Variants in TENM1 observed in about 807,000 individuals in gnomAD.
TENM1 encodes teneurin transmembrane protein 1, also known as teneurin-1.
In TENM1, 35 loss-of-function variants were observed where a neutral mutation model predicts 174.8. The observed-to-expected ratio is 0.20, with a 90% CI of 0.15 to 0.27. TENM1 has a LOEUF of 0.27. Among genes scored for constraint, TENM1 ranks in the 10% least tolerant of loss-of-function variants. TENM1 has a pLI of 1.00. For synonymous variants in TENM1, 781 were observed against 798.7 expected, an observed-to-expected ratio of 0.98 and a Z score of 0.37; for missense variants, 1,633 against 2,130.1, an observed-to-expected ratio of 0.77 and a Z score of 4.59.
At chrX:124,437,936 A>G (rs1339906526) in intron 23 of TENM1, among the ~76,000 whole-genome samples, 1 of 112,413 alleles carries the variant, frequency 8.9e-6, no homozygotes, top group Non-Finnish European at 1.9e-5. Flanking sequence ...CTGACAGCCA[A>G]ATAACTTTCT....
intron 8 of TENM1, among the ~76,000 whole-genome samples, chrX:124,651,091 C>T (rs1015035381): frequency 8.9e-6 from 1 of 111,792 alleles, no homozygotes; most frequent in African/African-American, 3.3e-5. Flanking sequence ...AAATTGACAG[C>T]TGTAAAATAT....
intron 6 of TENM1, among the ~76,000 whole-genome samples, chrX:124,663,266 C>T (rs1034656891): frequency 1.1e-4 from 12 of 111,393 alleles, no homozygotes; most frequent in African/African-American, 2.6e-4. Context: ...CAGAAGTAAA[C>T]GCAAGGACTC....
chrX:125,130,042 G>T, the TENM1 span, among the ~76,000 whole-genome samples: 3 of 111,392 alleles, frequency 2.7e-5, no homozygotes, highest in Non-Finnish European at 3.8e-5. Flanking sequence ...CCTTACAGTT[G>T]AATAGAATTT....
At chrX:124,453,373 T>G (rs1240840755) in exon 23 of TENM1, 3 of 1,208,555 alleles carry the variant, frequency 2.5e-6, no homozygotes, top group Non-Finnish European at 3.4e-6. Flanking sequence ...AGCTCAGTGG[T>G]TGTGTGGAAG....
intron 11 of TENM1, among the ~76,000 whole-genome samples, chrX:124,581,827 A>C (rs1315874714): frequency 1.8e-5 from 2 of 111,763 alleles, no homozygotes; most frequent in East Asian, 5.6e-4. Flanking sequence ...TTTGTTGGCT[A>C]CTTGTATGTC....
chrX:125,006,502 T>A, the TENM1 span, among the ~76,000 whole-genome samples: 1 of 111,842 alleles, frequency 8.9e-6, no homozygotes, highest in Non-Finnish European at 1.9e-5. Flanking sequence ...CAAGGGGGAT[T>A]CTCCCAGCAC....
the TENM1 span, among the ~76,000 whole-genome samples, chrX:125,113,236 CA>C: frequency 3.6e-5 from 4 of 111,207 alleles, no homozygotes; most frequent in African/African-American, 1.3e-4. Context: ...AAAATTGTCT[CA>C]AAATGTATTA....
chrX:124,751,447 G>C (rs1221132073), intron 3 of TENM1, among the ~76,000 whole-genome samples: 2 of 111,262 alleles, frequency 1.8e-5, no homozygotes, highest in Non-Finnish European at 3.8e-5. Flanking sequence ...TCTAGAAATA[G>C]TATCACTACA....
At chrX:124,503,807 G>T in intron 18 of TENM1, 104 bp from the exon 22 acceptor site, 1 of 821,067 alleles carries the variant, frequency 1.2e-6, no homozygotes, top group Non-Finnish European at 1.7e-6. Flanking sequence ...ACTGAATTCT[G>T]ATTAGAGTTG....
At chrX:125,197,427 G>C in the TENM1 span, among the ~76,000 whole-genome samples, 1 of 111,689 alleles carries the variant, frequency 9.0e-6, no homozygotes, top group Non-Finnish European at 1.9e-5. Flanking sequence ...GAGGATTTGA[G>C]TAAACAGTGG....
At chrX:124,394,233 C>T (rs941593097) in intron 27 of TENM1, among the ~76,000 whole-genome samples, 3 of 112,252 alleles carry the variant, frequency 2.7e-5, no homozygotes, top group Non-Finnish European at 3.8e-5. Flanking sequence ...AACTGATTCA[C>T]TAGCTACTCA....
the TENM1 span, among the ~76,000 whole-genome samples, chrX:125,188,355 CTT>C: frequency 9.2e-6 from 1 of 108,277 alleles, no homozygotes; most frequent in Non-Finnish European, 1.9e-5. Flanking sequence ...CAGAGCGAGA[CTT>C]TCTCTAAAAA....
chrX:125,061,748 C>T, the TENM1 span, among the ~76,000 whole-genome samples: 1 of 111,950 alleles, frequency 8.9e-6, no homozygotes, highest in Admixed American at 9.5e-5. Context: ...GAAACCCCAT[C>T]TCTACTAAAA....
At chrX:125,183,873 C>T in the TENM1 span, among the ~76,000 whole-genome samples, 3 of 111,712 alleles carry the variant, frequency 2.7e-5, no homozygotes, top group South Asian at 3.7e-4. Context: ...ATCTTGATTC[C>T]GTATTGCATA....
At chrX:124,574,591 G>C (rs2049123990) in intron 11 of TENM1, among the ~76,000 whole-genome samples, 1 of 111,134 alleles carries the variant, frequency 9.0e-6, no homozygotes, top group African/African-American at 3.3e-5. Flanking sequence ...GGAAAGCACA[G>C]GGAAGAACAG....
At chrX:124,478,836 T>C (rs1405021363) in intron 22 of TENM1, among the ~76,000 whole-genome samples, 1 of 112,334 alleles carries the variant, frequency 8.9e-6, no homozygotes, top group Non-Finnish European at 1.9e-5. Context: ...AACAAACAAA[T>C]TGGGCTTTCT....
intron 5 of TENM1, among the ~76,000 whole-genome samples, chrX:124,677,707 GGACT>G (rs778332067): frequency 2.4e-4 from 27 of 111,385 alleles, no homozygotes; most frequent in African/African-American, 8.8e-4. Flanking sequence ...AGAATTAAAA[GGACT>G]GATACTGAGA....
the TENM1 span, among the ~76,000 whole-genome samples, chrX:125,076,529 G>A: frequency 4.5e-5 from 5 of 110,954 alleles, no homozygotes. Flanking sequence ...AGTGGAGTCT[G>A]GCATTTTTGT....
the TENM1 span, among the ~76,000 whole-genome samples, chrX:125,179,127 T>C: frequency 8.9e-6 from 1 of 111,897 alleles, no homozygotes. Context: ...CTCACTTAGA[T>C]GTTCTGTTGG....
Sources: gnomAD v4.1 joint callset for allele counts (sites outside exome capture counted in the v4.1 genomes callset) on GRCh38, gnomAD v4.1.1 for gene constraint, MANE v1.5 for transcripts, NCBI Gene and HGNC (gene_info 2026-07-23, HGNC 2026-07-21) for gene names.